WFS1: variants seen among roughly 807,000 people sequenced by gnomAD.
WFS1 encodes wolframin ER transmembrane glycoprotein, also known as wolframin.
WFS1 carries 90 observed loss-of-function variants against 68.5 expected under a neutral mutation model. That is an observed-to-expected ratio of 1.31 (90% CI 1.11 to 1.56). The LOEUF (loss-of-function observed/expected upper bound fraction) is 1.56, where lower values mean the gene tolerates loss of function less well. Among genes scored for constraint, WFS1 ranks in the 40% most tolerant of loss-of-function variants. The pLI is 0.00. For synonymous variants in WFS1, 860 were observed against 540.7 expected, an observed-to-expected ratio of 1.59 and a Z score of -8.19; for missense variants, 1,767 against 1,232.6, an observed-to-expected ratio of 1.43 and a Z score of -6.49.
At chr4:6,300,224 G>A (rs1296496087) in intron 7 of WFS1, among the ~76,000 whole-genome samples, 1 of 152,124 alleles carries the variant, frequency 6.6e-6, no homozygotes, top group East Asian at 1.9e-4. Flanking sequence ...TCAGGGAGGT[G>A]ACATCCTTGC....
chr4:6,302,494 A>C lies in WFS1; in HGVS notation c.*26A>C. ...GGATGGTCCGCCACGAGGAGCTTCC[A>C]GTGCATGTTGCCATGAGGCCTTTCC... On this transcript the variant is annotated 3_prime_UTR_variant, in exon 8 of 8. Transcript: ENST00000226760. 6.2e-7 allele frequency: 1 copy of C among 1,611,486 alleles called. No homozygotes were observed. The highest frequency in any genetic ancestry group is 8.5e-7 in the Non-Finnish European group (1 of 1,179,960).
At chr4:6,294,966 A>C (rs1191721015) in intron 6 of WFS1, 75 bp from the exon 7 acceptor site, 2 of 1,609,288 alleles carry the variant, frequency 1.2e-6, no homozygotes. Context: ...CACCGTCCCC[A>C]GCCCATTGCT....
intron 4 of WFS1, among the ~76,000 whole-genome samples, chr4:6,290,239 T>A (rs543360651): frequency 9.6e-4 from 146 of 152,324 alleles, no homozygotes; most frequent in African/African-American, 3.4e-3. Context: ...ATGCCCAGCT[T>A]GTATCATATT....
rs190402169 is a variant in WFS1, at chr4:6,286,903, G to A, written c.233-190G>A. Among the ~76,000 whole-genome samples, 74 of 152,322 alleles carry A rather than the reference G, an allele frequency of 4.9e-4. No individual in the cohort carries two copies. In the East Asian group the frequency reaches 0.011, roughly 23 times the overall value. The stretch of plus-strand genomic sequence containing the variant: ...CTCATCTTGCTCTGGCGCTGCTTGT[G>A]ACCGGAAGGCAAACAGTGGCTTTCT... On this transcript the variant is annotated intron_variant, in intron 2 of 7. Coordinates refer to ENST00000226760, the MANE Select transcript of WFS1 (RefSeq NM_006005.3).
In WFS1 at chr4:6,287,386, C is replaced by T. The variant is rs1353198405; in HGVS notation, c.315+211C>T. ...CTCCTGGCACTCCTCTGGGGAGCAG[C>T]GCTCATCCCCCTTTTGTCCAACTCA... On this transcript the variant is annotated intron_variant, in intron 3 of 7. Transcript: ENST00000226760. This position sits in a 1 kb window ranked among gnomAD's most constrained non-coding sequence, Gnocchi z 6.4. 15 of 590,112 alleles carry T rather than the reference C, an allele frequency of 2.5e-5. No individual in the cohort carries two copies. Among genetic ancestry groups the T allele is most frequent in the South Asian group, 1.5e-4 (8 of 52,852 alleles). The allele number at this position is 590,112 out of a possible 1,614,324, so 36.6% of individuals were successfully genotyped here.
At chr4:6,274,787 C>T (rs886565828) in intron 1 of WFS1, among the ~76,000 whole-genome samples, 6 of 150,588 alleles carry the variant, frequency 4.0e-5, no homozygotes, top group African/African-American at 1.5e-4. Flanking sequence ...GAAGGGTAGC[C>T]AGTGTTTTGC....
At chr4:6,279,883 A>T (rs1730106273) in intron 2 of WFS1, among the ~76,000 whole-genome samples, 1 of 152,196 alleles carries the variant, frequency 6.6e-6, no homozygotes, top group Admixed American at 6.5e-5. Context: ...TGCCTCCCTG[A>T]GGAACTGACC....
At chr4:6,298,107 G>T (rs1233612581) in intron 7 of WFS1, among the ~76,000 whole-genome samples, 1 of 152,238 alleles carries the variant, frequency 6.6e-6, no homozygotes, top group Non-Finnish European at 1.5e-5. Context: ...CCTTGCTACC[G>T]TGGCGGTCGT....
At chr4:6,284,967 G>C (rs539741717) in intron 2 of WFS1, among the ~76,000 whole-genome samples, 95 of 151,490 alleles carry the variant, frequency 6.3e-4, no homozygotes, top group African/African-American at 2.2e-3. Flanking sequence ...AACCACGCTG[G>C]GGGGCTGGCA....
intron 1 of WFS1, among the ~76,000 whole-genome samples, chr4:6,276,668 A>C (rs1366093887): frequency 6.6e-6 from 1 of 151,760 alleles, no homozygotes; most frequent in Non-Finnish European, 1.5e-5. Flanking sequence ...ACTTAACTTT[A>C]CTCAGTACCA....
In WFS1 at chr4:6,301,896, A is replaced by G; in HGVS notation, c.2101A>G (p.Thr701Ala). 6.2e-7 allele frequency: 1 copy of G among 1,612,770 alleles called. No homozygotes were observed. The highest frequency in any genetic ancestry group is 1.1e-5 in the South Asian group (1 of 91,064). ...CCTGGAGGGCCACAGGGTCACGTGG[A>G]CCGGCCGCTTCAAGTACGTCCGCGT... ...SHLEGHRVTW[T>A]GRFKYVRVTD... Residue 701 changes from threonine to alanine, a missense_variant, in exon 8 of 8, where the codon ACC (threonine) becomes GCC (alanine). By Grantham distance (58) the Thr-to-Ala change is moderately conservative. Transcript: ENST00000226760.
At chr4:6,293,337 A>G (rs10755148) in intron 6 of WFS1, among the ~76,000 whole-genome samples, 104,956 of 152,088 alleles carry the variant, frequency 0.69, 36,807 homozygotes, top group East Asian at 0.99. Flanking sequence ...CCTCAGGGAC[A>G]GGGCCCCAGC....
chr4:6,271,532 G>C (rs998434254), intron 1 of WFS1, among the ~76,000 whole-genome samples: 1 of 152,086 alleles, frequency 6.6e-6, no homozygotes, highest in Non-Finnish European at 1.5e-5. Context: ...ATAATAGGTC[G>C]GGAGCTTTAT....
chr4:6,277,830 C>T, intron 2 of WFS1, 143 bp downstream of exon 2: 1 of 1,013,098 alleles, frequency 9.9e-7, no homozygotes, highest in Non-Finnish European at 1.5e-6. Flanking sequence ...GCACAGGCGT[C>T]CATCCAGTGG....
At chr4:6,292,788 TCCC>T (rs1730502974) in intron 6 of WFS1, among the ~76,000 whole-genome samples, 1 of 152,090 alleles carries the variant, frequency 6.6e-6, no homozygotes, top group South Asian at 2.1e-4. Context: ...GGTGTCAGTT[TCCC>T]CTTCTGAACA....
chr4:6,302,642 C>A lies in WFS1; in HGVS notation c.*174C>A. 1 of 859,804 alleles carries A rather than the reference C, an allele frequency of 1.2e-6. No homozygotes were observed. The highest frequency in any genetic ancestry group is 1.8e-6 in the Non-Finnish European group (1 of 561,476). 53.3% of individuals were successfully genotyped at this position (859,804 alleles called of 1,614,324 possible). ...GTGGACCCCGACAAAGGGAAGGCTG[C>A]TGTGTAGCTCTGTCCACTCTGAATA... On this transcript the variant is annotated 3_prime_UTR_variant, in exon 8 of 8. Transcript: ENST00000226760.
In WFS1 at chr4:6,301,400, G is replaced by C. The variant is rs370211906; in HGVS notation, c.1605G>C (p.Leu535=). The C allele has an allele frequency of 6.2e-7, 1 of 1,612,554 alleles. No individual in the cohort carries two copies. Among genetic ancestry groups the C allele is most frequent in the Non-Finnish European group, 8.5e-7 (1 of 1,180,024 alleles). The change falls in exon 8 of 8, where the codon CTG becomes CTC. Residue 535 remains leucine (L), a synonymous_variant. Transcript: ENST00000226760. ...CCTACTGCTACCTTGTGCCCTACCT[G>C]GTGTGCTTCATGTGGTGTGAGCTCT... The part of the protein sequence containing the change: ...KGTYCYLVPY[L]VCFMWCELSV...
At position 6,301,730 on chromosome 4, in the gene WFS1, G is replaced by T. The variant is rs727504912; in HGVS notation, c.1935G>T (p.Leu645=). Residue 645 remains leucine, a synonymous_variant, in exon 8 of 8, where the codon CTG becomes CTT. Transcript: ENST00000226760. ...TGGTGTGGCTCACGGCCATCGTGCTGTTCTGCTGGTTCTATGTGTACCGCT... is the reference window on the plus strand; with the variant it reads ...TGGTGTGGCTCACGGCCATCGTGCTTTTCTGCTGGTTCTATGTGTACCGCT... ...LILVWLTAIV[L]FCWFYVYRSE... is the part of the protein sequence containing the mutation. 87 of 1,613,870 alleles carry T rather than the reference G, an allele frequency of 5.4e-5. No homozygotes were observed. Among genetic ancestry groups the T allele is most frequent in the Non-Finnish European group, 7.4e-5 (87 of 1,180,034 alleles).
At chr4:6,297,843 T>G (rs1217428114) in intron 7 of WFS1, among the ~76,000 whole-genome samples, 10 of 152,180 alleles carry the variant, frequency 6.6e-5, no homozygotes, top group Non-Finnish European at 1.5e-5. Context: ...GAGGAAGGTC[T>G]TGGGTGTACA....
Sources: gnomAD v4.1 joint callset for allele counts (sites outside exome capture counted in the v4.1 genomes callset) on GRCh38, gnomAD v4.1.1 for gene constraint, Gnocchi (gnomAD v3.1) non-coding constraint, MANE v1.5 for transcripts, NCBI Gene and HGNC (gene_info 2026-07-23, HGNC 2026-07-21) for gene names.